NECAP2: variants seen among roughly 807,000 people sequenced by gnomAD.
The protein encoded by NECAP2 is adaptin ear-binding coat-associated protein 2.
A neutral mutation model predicts 37.8 loss-of-function variants in NECAP2; 38 were observed. The ratio of observed to expected loss-of-function variants is 1.01; its 90% CI spans 0.78 to 1.32. The LOEUF is 1.32. Among genes scored for constraint, NECAP2 ranks in the 40% most tolerant of loss-of-function variants. The probability of loss-of-function intolerance (pLI) is 0.00; values close to 1 mark genes in which losing one functional copy is unlikely to be tolerated. For missense variants in NECAP2, 316 were observed against 334.5 expected (o/e 0.94, Z 0.43); for synonymous variants, 121 against 127.7 (o/e 0.95, Z 0.35).
chr1:16,450,242 G>C, intron 5 of NECAP2: 1 of 387,646 alleles, frequency 2.6e-6, no homozygotes, highest in South Asian at 1.8e-5. Flanking sequence ...TGAGGGCCAG[G>C]TAGTGGTTTT....
intron 7 of NECAP2, 61 bp from the exon 8 acceptor site, chr1:16,458,781 T>C (rs995800586): frequency 1.9e-6 from 3 of 1,582,432 alleles, no homozygotes. Flanking sequence ...AACCAACTTT[T>C]ATCTGCTTTG....
chr1:16,456,023 T>A, intron 7 of NECAP2, 130 bp downstream of exon 7: 1 of 634,674 alleles, frequency 1.6e-6, no homozygotes, highest in Non-Finnish European at 2.7e-6. Flanking sequence ...TGTTTTCTTT[T>A]CTTTTTTTTT....
intron 7 of NECAP2, among the ~76,000 whole-genome samples, chr1:16,456,647 T>C (rs927947964): frequency 7.2e-5 from 11 of 152,164 alleles, no homozygotes; most frequent in African/African-American, 2.4e-4. Flanking sequence ...AAGACTTTAC[T>C]TGGGGCCAGG....
Position 16,448,658 on chromosome 1 carries a change from GACTTTTGTGTTGCCCTCT to G in NECAP2, c.381-427_381-410del, listed in dbSNP as rs1244139409. On this transcript the variant is annotated intron_variant, in intron 4 of 7. Transcript: ENST00000337132. ...GGGTGGTGTGGTATGGAGGGTGGGGGACTTTTGTGTTGCCCTCTACTTTTGGGTATCTGTCTTGTCCCC... is the reference window on the plus strand; with the variant it reads ...GGGTGGTGTGGTATGGAGGGTGGGGGACTTTTGGGTATCTGTCTTGTCCCC... Among the ~76,000 whole-genome samples the G allele has an allele frequency of 2.6e-5, 4 of 152,258 alleles. No individual in the cohort carries two copies. The East Asian group carries it at 7.7e-4, about 29-fold the overall frequency.
At chr1:16,453,001 G>A in intron 6 of NECAP2, among the ~76,000 whole-genome samples, 1 of 152,184 alleles carries the variant, frequency 6.6e-6, no homozygotes, top group Admixed American at 6.5e-5. Flanking sequence ...GAGAGCCCCG[G>A]CCCGGTACCA....
In NECAP2 at chr1:16,440,778, A is replaced by G. The variant is rs767407855; in HGVS notation, c.17A>G (p.Tyr6Cys). MEESG[Y>C]ESVLCVKPDV... is the part of the protein sequence containing the mutation. Reference sequence around the variant, plus strand: ...GGCGTCGCGATGGAGGAGAGCGGGTACGAGTCGGTGCTCTGTGTCAAGCCT... The same window carrying G: ...GGCGTCGCGATGGAGGAGAGCGGGTGCGAGTCGGTGCTCTGTGTCAAGCCT... Residue 6 changes from tyrosine to cysteine, a missense_variant, in exon 1 of 8, where the codon TAC becomes TGC. Physicochemically the swap from Tyr to Cys is radical, Grantham distance 194. This residue lies in a region of NECAP2 where 31 missense variants were observed against 21.7 expected (regional missense o/e 1.43). Coordinates refer to ENST00000337132, the MANE Select transcript of NECAP2 (RefSeq NM_018090.5). 2.5e-6 allele frequency: 4 copies of G among 1,614,120 alleles called. No individual in the cohort carries two copies. Among genetic ancestry groups the G allele is most frequent in the Admixed American group, 1.7e-5 (1 of 60,022 alleles).
intron 2 of NECAP2, among the ~76,000 whole-genome samples, chr1:16,447,639 CTG>C (rs1488661497): frequency 6.6e-6 from 1 of 152,230 alleles, no homozygotes; most frequent in Non-Finnish European, 1.5e-5. Flanking sequence ...GAATACCAAA[CTG>C]TGAGCTAAAT....
chr1:16,454,829 T>C (rs533662503), intron 6 of NECAP2, among the ~76,000 whole-genome samples: 4 of 152,354 alleles, frequency 2.6e-5, no homozygotes, highest in African/African-American at 9.6e-5. Context: ...GAATGTTAGA[T>C]CTCATTTTAT....
chr1:16,455,846 C>T lies in NECAP2; in HGVS notation c.696C>T (p.Pro232=), dbSNP rs754338022. The change falls in exon 7 of 8, where the codon CCC becomes CCT. Residue 232 remains proline (P), a synonymous_variant. Coordinates refer to ENST00000337132, the MANE Select transcript of NECAP2 (RefSeq NM_018090.5). ...SGGAPVPWPQ[P]NPATADIWGD... is the part of the protein sequence containing the mutation. ...GTGCTCCTGTACCCTGGCCACAGCC[C>T]AATCCTGCCACTGCTGACATCTGGG... The T allele has an allele frequency of 6.2e-7, 1 of 1,614,104 alleles. No homozygotes were observed. Among genetic ancestry groups the T allele is most frequent in the South Asian group, 1.1e-5 (1 of 91,072 alleles).
At chr1:16,457,856 A>G (rs550144340) in intron 7 of NECAP2, among the ~76,000 whole-genome samples, 9 of 151,704 alleles carry the variant, frequency 5.9e-5, no homozygotes, top group Non-Finnish European at 1.2e-4. Flanking sequence ...ACTACAGGCA[A>G]TTGCCACCAC....
In NECAP2 at chr1:16,458,960, C is replaced by T. The variant is rs41310378; in HGVS notation, c.*70C>T. The T allele has an allele frequency of 2.4e-4, 386 of 1,613,248 alleles. No individual in the cohort carries two copies. Among genetic ancestry groups the T allele is most frequent in the Non-Finnish European group, 3.0e-4 (359 of 1,179,664 alleles). On this transcript the variant is annotated 3_prime_UTR_variant, in exon 8 of 8. Coordinates refer to ENST00000337132, the MANE Select transcript of NECAP2 (RefSeq NM_018090.5). ...CTCATCTGGGCCAAAGGAAGGAGGA[C>T]GAAGCCCTCCTCAGCTGGCCTGTGT...
intron 6 of NECAP2, among the ~76,000 whole-genome samples, chr1:16,453,667 T>G (rs897284190): frequency 7.9e-5 from 12 of 151,840 alleles, no homozygotes; most frequent in African/African-American, 2.9e-4. Context: ...TTTTGTATTT[T>G]TAGTAGAGAC....
At chr1:16,455,701 G>C (rs2086906328) in intron 6 of NECAP2, 117 bp from the exon 7 acceptor site, 1 of 785,358 alleles carries the variant, frequency 1.3e-6, no homozygotes. Context: ...CCAGCTACCT[G>C]GTGTCATGAG....
chr1:16,440,784 C>A lies in NECAP2; in HGVS notation c.23C>A (p.Ser8Ter). ...GCGATGGAGGAGAGCGGGTACGAGT[C>A]GGTGCTCTGTGTCAAGCCTGACGTC... Reference protein sequence around the residue: MEESGYESVLCVKPDVHV... With the variant: MEESGYE The change falls in exon 1 of 8, where the codon TCG (serine) becomes TAG (stop). Residue 8 changes from serine to a stop codon, truncating the protein, a stop_gained. Transcript: ENST00000337132. LOFTEE classifies it high-confidence loss of function. 6.2e-7 allele frequency: 1 copy of A among 1,614,166 alleles called. No individual in the cohort carries two copies.
At chr1:16,440,874 C>A (rs759382778) in intron 1 of NECAP2, 21 bp downstream of exon 1, 2 of 1,597,606 alleles carry the variant, frequency 1.3e-6, no homozygotes, top group Non-Finnish European at 8.6e-7. Context: ...ACCGCCAGAC[C>A]AGGCTAGCTC....
At chr1:16,443,331 A>G (rs1232422556) in intron 1 of NECAP2, among the ~76,000 whole-genome samples, 1 of 152,272 alleles carries the variant, frequency 6.6e-6, no homozygotes, top group African/African-American at 2.4e-5. Flanking sequence ...GGAACATTAC[A>G]TGAATTTCAG....
At chr1:16,443,381 C>T (rs181219594) in intron 1 of NECAP2, among the ~76,000 whole-genome samples, 1 of 152,248 alleles carries the variant, frequency 6.6e-6, no homozygotes, top group African/African-American at 2.4e-5. Context: ...CAGCTGTGCT[C>T]AGTAGAAAAT....
At chr1:16,444,297 A>G (rs984376314) in intron 2 of NECAP2, among the ~76,000 whole-genome samples, 1 of 152,138 alleles carries the variant, frequency 6.6e-6, no homozygotes, top group Non-Finnish European at 1.5e-5. Context: ...TGAGCTGTGG[A>G]GGGCAGTGCA....
intron 7 of NECAP2, among the ~76,000 whole-genome samples, chr1:16,457,466 C>A (rs537974693): frequency 7.9e-5 from 12 of 151,868 alleles, no homozygotes; most frequent in Non-Finnish European, 1.6e-4. Context: ...AACAAATAAA[C>A]AAACAAAAAA....
Sources: allele counts gnomAD v4.1 joint callset (sites outside exome capture counted in the v4.1 genomes callset), GRCh38; gene constraint gnomAD v4.1.1; regional missense constraint gnomAD v4.1.1; transcripts MANE v1.5; gene names NCBI Gene and HGNC (gene_info 2026-07-23, HGNC 2026-07-21).